The following GPC6 variants were observed in gnomAD, a reference collection of about 807,000 sequenced individuals.
GPC6 encodes the protein glypican 6.
GPC6 carries 14 observed loss-of-function variants against 55.2 expected under a neutral mutation model. The observed-to-expected ratio is 0.25, with a 90% confidence interval of 0.17 to 0.40. GPC6 has a LOEUF of 0.40. Ranked by LOEUF, GPC6 falls within the 10% of genes least tolerant of loss-of-function variation. The pLI is 1.00. For synonymous variants in GPC6, 278 were observed against 259.6 expected, an observed-to-expected ratio of 1.07 and a Z score of -0.68; for missense variants, 641 against 708.5, an observed-to-expected ratio of 0.90 and a Z score of 1.08.
intron 6 of GPC6, among the ~76,000 whole-genome samples, chr13:94,331,371 C>T (rs953237766): frequency 6.6e-6 from 1 of 152,018 alleles, no homozygotes; most frequent in Non-Finnish European, 1.5e-5. Flanking sequence ...AGGAAGTTTG[C>T]CCGTCCCTGA....
chr13:93,386,865 C>T (rs1365909253), intron 1 of GPC6, among the ~76,000 whole-genome samples: 1 of 152,184 alleles, frequency 6.6e-6, no homozygotes, highest in East Asian at 1.9e-4. Context: ...ATGCCTTGTT[C>T]TGTGACTGTT....
chr13:93,544,601 C>T lies in GPC6; in HGVS notation c.161-662C>T, dbSNP rs573914205. On this transcript the variant is annotated intron_variant, in intron 1 of 8. Transcript: ENST00000377047. ...ATAGCACTAAAGAAAGCAGTGTTGTCGAAAGCAGTAGATAGATCTGTTGAA... is the reference window on the plus strand; with the variant it reads ...ATAGCACTAAAGAAAGCAGTGTTGTTGAAAGCAGTAGATAGATCTGTTGAA... Among the ~76,000 whole-genome samples the T allele has an allele frequency of 5.3e-5, 8 of 152,302 alleles. No individual in the cohort carries two copies. In the East Asian group the frequency reaches 9.6e-4, roughly 18 times the overall value.
At chr13:93,357,734 CT>C (rs1880902041) in intron 1 of GPC6, among the ~76,000 whole-genome samples, 2 of 152,268 alleles carry the variant, frequency 1.3e-5, no homozygotes, top group East Asian at 3.9e-4. Context: ...ACTCAGGAGG[CT>C]GAGGCTGGAG....
At chr13:93,625,704 G>T (rs1415196231) in intron 2 of GPC6, among the ~76,000 whole-genome samples, 1 of 152,180 alleles carries the variant, frequency 6.6e-6, no homozygotes, top group Non-Finnish European at 1.5e-5. Context: ...CAAAATGCTT[G>T]GGAGAAAGAC....
chr13:93,747,003 A>G (rs4773758), intron 2 of GPC6, among the ~76,000 whole-genome samples: 139,859 of 152,264 alleles, frequency 0.92, 64,372 homozygotes, highest in Admixed American at 0.96. Flanking sequence ...ATATTCTGCT[A>G]TTAATGAAAT....
At chr13:94,098,076 A>G (rs558377397) in intron 4 of GPC6, among the ~76,000 whole-genome samples, 86 of 152,242 alleles carry the variant, frequency 5.6e-4, no homozygotes, top group Non-Finnish European at 1.1e-3. Flanking sequence ...CAAGTCAGAA[A>G]TAAAAACCCC....
intron 4 of GPC6, among the ~76,000 whole-genome samples, chr13:94,028,551 A>G (rs940342697): frequency 6.6e-6 from 1 of 151,578 alleles, no homozygotes; most frequent in African/African-American, 2.4e-5. Context: ...TTTTATTTGT[A>G]TTACCTCAGC....
intron 6 of GPC6, among the ~76,000 whole-genome samples, chr13:94,357,297 A>G (rs749911376): frequency 2.0e-5 from 3 of 152,034 alleles, no homozygotes; most frequent in Non-Finnish European, 4.4e-5. Flanking sequence ...GCCTTTCAAC[A>G]TGGGCTCCAT....
chr13:93,428,189 A>ATG (rs5805803), intron 1 of GPC6, among the ~76,000 whole-genome samples: 145,463 of 152,188 alleles, frequency 0.96, 69,862 homozygotes, highest in East Asian at 1. Context: ...GAATTTAGCA[A>ATG]AAATAGAAGC....
At position 93,364,277 on chromosome 13, in the gene GPC6, G is replaced by A. The variant is rs184137202; in HGVS notation, c.160+136661G>A. Reference sequence around the variant, plus strand: ...AAGATTATTCTTGGTGGATGAAGACGAAAATGATTTTTGGTTTAGTCACCA... The same window carrying A: ...AAGATTATTCTTGGTGGATGAAGACAAAAATGATTTTTGGTTTAGTCACCA... On this transcript the variant is annotated intron_variant, in intron 1 of 8. Coordinates refer to ENST00000377047, the MANE Select transcript of GPC6 (RefSeq NM_005708.5). Among the ~76,000 whole-genome samples, 7 of 152,196 alleles carry A rather than the reference G, an allele frequency of 4.6e-5. No individual in the cohort carries two copies. In the East Asian group the frequency reaches 1.2e-3, roughly 25 times the overall value.
At chr13:93,347,665 G>A (rs1219604966) in intron 1 of GPC6, among the ~76,000 whole-genome samples, 1 of 152,130 alleles carries the variant, frequency 6.6e-6, no homozygotes, top group Non-Finnish European at 1.5e-5. Flanking sequence ...ACTTGCTACT[G>A]TAGAATTCTA....
chr13:94,316,053 C>T (rs916877038), intron 6 of GPC6, among the ~76,000 whole-genome samples: 7 of 152,180 alleles, frequency 4.6e-5, no homozygotes, highest in Non-Finnish European at 7.3e-5. Context: ...AAAGATTGGA[C>T]ACCCCCACTT....
At chr13:94,170,685 G>T (rs1888535106) in intron 4 of GPC6, among the ~76,000 whole-genome samples, 1 of 152,166 alleles carries the variant, frequency 6.6e-6, no homozygotes, top group South Asian at 2.1e-4. Context: ...CATGGAAAAT[G>T]CCAGACTGAA....
rs34745045 is a variant in GPC6, at chr13:94,272,760, G to A, written c.878-13589G>A. On this transcript the variant is annotated intron_variant, in intron 4 of 8. Transcript: ENST00000377047. ...TGGGATTACAGGCATGAGACACCACGCCTGGCCCTGGTCCTGTTTCTTGAT... is the reference window on the plus strand; with the variant it reads ...TGGGATTACAGGCATGAGACACCACACCTGGCCCTGGTCCTGTTTCTTGAT... Among the ~76,000 whole-genome samples the A allele has an allele frequency of 5.5e-3, 841 of 152,086 alleles. 4 individuals carry two copies. The highest frequency in any genetic ancestry group is 9.5e-3 in the Non-Finnish European group (646 of 67,984).
chr13:93,517,541 T>C (rs1268864454), intron 1 of GPC6, among the ~76,000 whole-genome samples: 1 of 152,110 alleles, frequency 6.6e-6, no homozygotes, highest in Non-Finnish European at 1.5e-5. Flanking sequence ...TCATTCACAT[T>C]TGGTGCTCTT....
At chr13:93,633,053 C>T (rs1023654169) in intron 2 of GPC6, among the ~76,000 whole-genome samples, 9 of 152,228 alleles carry the variant, frequency 5.9e-5, no homozygotes, top group Admixed American at 5.9e-4. Context: ...AATTTATTTT[C>T]CTTTTCCAAT....
intron 2 of GPC6, among the ~76,000 whole-genome samples, chr13:93,677,618 A>C (rs1046283439): frequency 2.0e-5 from 3 of 152,166 alleles, no homozygotes; most frequent in Non-Finnish European, 4.4e-5. Flanking sequence ...CTGTAAACAA[A>C]TCATCAGCAG....
intron 4 of GPC6, among the ~76,000 whole-genome samples, chr13:94,073,315 G>A (rs944394032): frequency 6.6e-6 from 1 of 152,166 alleles, no homozygotes; most frequent in African/African-American, 2.4e-5. Context: ...CTTTACATAA[G>A]CTTCTTTTGT....
chr13:93,417,924 C>A (rs1876764789), intron 1 of GPC6, among the ~76,000 whole-genome samples: 1 of 151,998 alleles, frequency 6.6e-6, no homozygotes, highest in South Asian at 2.1e-4. Context: ...CCATTCATTT[C>A]ATTTGTCAAC....
Sources: allele counts gnomAD v4.1 joint callset (sites outside exome capture counted in the v4.1 genomes callset), GRCh38; gene constraint gnomAD v4.1.1; transcripts MANE v1.5; gene names NCBI Gene and HGNC (gene_info 2026-07-23, HGNC 2026-07-21).